DLC1: variants seen among roughly 807,000 people sequenced by gnomAD.
DLC1 encodes the protein rho GTPase-activating protein 7.
A neutral mutation model predicts 140.3 loss-of-function variants in DLC1; 54 were observed. That is an observed-to-expected ratio of 0.38 (90% CI 0.31 to 0.48). DLC1 has a LOEUF of 0.48. Among genes scored for constraint, DLC1 ranks in the 20% least tolerant of loss-of-function variants. The probability of loss-of-function intolerance (pLI) is 0.96; values close to 1 mark genes in which losing one functional copy is unlikely to be tolerated. For missense variants in DLC1, 2,536 were observed against 1,907.0 expected (o/e 1.33, Z -6.14); for synonymous variants, 986 against 728.1 (o/e 1.35, Z -5.70).
At chr8:13,465,693 C>T (rs189215672) in intron 2 of DLC1, among the ~76,000 whole-genome samples, 4 of 152,064 alleles carry the variant, frequency 2.6e-5, no homozygotes, top group African/African-American at 9.6e-5. Flanking sequence ...AAAATTATTT[C>T]CTTATACTGT....
At chr8:13,451,132 A>G (rs986990291) in intron 2 of DLC1, among the ~76,000 whole-genome samples, 30 of 151,134 alleles carry the variant, frequency 2.0e-4, no homozygotes, top group Non-Finnish European at 3.5e-4. Context: ...ATAAAGTAAG[A>G]GTAAATATGT....
chr8:13,485,541 T>G (rs1201808957), intron 2 of DLC1, among the ~76,000 whole-genome samples: 1 of 152,208 alleles, frequency 6.6e-6, no homozygotes, highest in Non-Finnish European at 1.5e-5. Flanking sequence ...GTGCAAATCT[T>G]GGGCAGCAGT....
rs905749996 is a variant in DLC1 at position 13,566,877 on chromosome 8, C to G, written c.-126+37660G>C. The G allele has an allele frequency of 3.1e-5, 41 of 1,316,750 alleles. No individual in the cohort carries two copies. In the African/African-American group the frequency reaches 5.5e-4, roughly 18 times the overall value. The allele number at this position is 1,316,750 out of a possible 1,614,324, so 81.6% of individuals were successfully genotyped here. A position where few individuals can be genotyped will look rare whatever the true frequency, so the allele number is the denominator to read the frequency against. On this transcript the variant is annotated intron_variant, in intron 1 of 1. Coordinates refer to the DLC1 transcript ENST00000631382. ...GGGAAGGCGTCTCCCGGAAGACGACCTCCGCAGAGCTGATGGCATTGAGAT... is the reference window on the plus strand; with the variant it reads ...GGGAAGGCGTCTCCCGGAAGACGACGTCCGCAGAGCTGATGGCATTGAGAT...
At chr8:13,163,662 G>T (rs990571157) in intron 5 of DLC1, among the ~76,000 whole-genome samples, 1 of 152,058 alleles carries the variant, frequency 6.6e-6, no homozygotes, top group Non-Finnish European at 1.5e-5. Flanking sequence ...TACTCAGGAG[G>T]CAGCCTAGGG....
At chr8:13,461,042 G>C (rs915332019) in intron 2 of DLC1, among the ~76,000 whole-genome samples, 1 of 152,160 alleles carries the variant, frequency 6.6e-6, no homozygotes. Context: ...GCAAGACCCT[G>C]TCTTTACAAA....
At chr8:13,104,899 G>T (rs181301278) in intron 7 of DLC1, among the ~76,000 whole-genome samples, 12 of 152,226 alleles carry the variant, frequency 7.9e-5, no homozygotes, top group African/African-American at 1.4e-4. Context: ...TGGATATAAG[G>T]TCCCTCTATT....
At chr8:13,264,581 G>A (rs1830610117) in intron 5 of DLC1, among the ~76,000 whole-genome samples, 2 of 152,102 alleles carry the variant, frequency 1.3e-5, no homozygotes, top group African/African-American at 4.8e-5. Context: ...AGAACTTCAG[G>A]GGGAGCGGGA....
chr8:13,094,862 C>T lies in DLC1; in HGVS notation c.3423G>A (p.Gln1141=). ...GAIDCVNYEG[Q]SAYDVADMLK... ...GCATGTCTGCCACGTCATAAGCAGA[C>T]TGTCCTTCGTAGTTGACACAGTCTA... Residue 1141 remains glutamine (Q), a synonymous_variant, in exon 12 of 18, where the codon CAG becomes CAA. Transcript: ENST00000276297. 1 of 1,614,224 alleles carries T rather than the reference C, an allele frequency of 6.2e-7. No individual in the cohort carries two copies. The highest frequency in any genetic ancestry group is 2.2e-5 in the East Asian group (1 of 44,882).
intron 4 of DLC1, among the ~76,000 whole-genome samples, chr8:13,306,575 TGTGTGTGTGAGAGAGA>T (rs1403142505): frequency 1.3e-5 from 2 of 149,780 alleles, no homozygotes; most frequent in Non-Finnish European, 3.0e-5. Flanking sequence ...TGTGTGTGTG[TGTGTGTGTGAGAGAGA>T]GAGAGAGAGA....
At chr8:13,224,482 AT>A (rs1229377224) in intron 5 of DLC1, among the ~76,000 whole-genome samples, 1 of 152,174 alleles carries the variant, frequency 6.6e-6, no homozygotes, top group Non-Finnish European at 1.5e-5. Flanking sequence ...AAAAATATAC[AT>A]GATTCAACAA....
rs143079747 is a variant in DLC1, at chr8:13,532,814, T to C, written c.-125-32618A>G. ...GTGTAATACTTCTTATTATAATTTC[T>C]CACCCTGTAGACCCTCATCCCCCCA... On this transcript the variant is annotated intron_variant, in intron 1 of 1. Coordinates refer to the DLC1 transcript ENST00000631382. 3.6e-3 allele frequency among the ~76,000 whole-genome samples: 542 copies of C among 152,312 alleles called. 2 individuals are homozygous for C. The highest frequency in any genetic ancestry group is 0.012 in the African/African-American group (491 of 41,570).
intron 6 of DLC1, among the ~76,000 whole-genome samples, chr8:13,115,076 AC>A (rs1820437607): frequency 6.6e-6 from 1 of 152,170 alleles, no homozygotes; most frequent in African/African-American, 2.4e-5. Context: ...AAGCCAAAAT[AC>A]CCACCAACCA....
At chr8:13,378,915 C>G (rs1836121653) in intron 4 of DLC1, among the ~76,000 whole-genome samples, 1 of 152,022 alleles carries the variant, frequency 6.6e-6, no homozygotes, top group South Asian at 2.1e-4. Context: ...TGGTGTAACT[C>G]AGAGATATGC....
At chr8:13,575,358 G>C (rs13263864) in intron 1 of DLC1, among the ~76,000 whole-genome samples, 38,334 of 152,040 alleles carry the variant, frequency 0.25, 5,771 homozygotes, top group Non-Finnish European at 0.34. Flanking sequence ...GGGGGTACGA[G>C]AGGCAGTCTT....
chr8:13,174,153 G>A (rs1825638983), intron 5 of DLC1, among the ~76,000 whole-genome samples: 1 of 152,102 alleles, frequency 6.6e-6, no homozygotes, highest in Admixed American at 6.6e-5. Flanking sequence ...TAGGATAATG[G>A]CCTCCAGCTG....
chr8:13,514,954 G>T, upstream of DLC1: 1 of 273,454 alleles, frequency 3.7e-6, no homozygotes, highest in Non-Finnish European at 6.8e-6. Flanking sequence ...CGAAGAGAGG[G>T]GAGGAGGGGA....
intron 5 of DLC1, among the ~76,000 whole-genome samples, chr8:13,161,835 GCTTCT>G (rs2128984818): frequency 6.6e-6 from 1 of 152,228 alleles, no homozygotes; most frequent in East Asian, 1.9e-4. Context: ...AGAGCCCTGT[GCTTCT>G]TGTTAAAAGG....
chr8:13,449,301 G>T (rs1446453553), intron 2 of DLC1, among the ~76,000 whole-genome samples: 1 of 152,136 alleles, frequency 6.6e-6, no homozygotes, highest in Admixed American at 6.5e-5. Flanking sequence ...GAAATGGAGG[G>T]AACATTTGTC....
chr8:13,209,499 G>T (rs1827834957), intron 5 of DLC1, among the ~76,000 whole-genome samples: 1 of 152,040 alleles, frequency 6.6e-6, no homozygotes, highest in Non-Finnish European at 1.5e-5. Flanking sequence ...ATATGGTATT[G>T]CTCATAAATA....
Sources: allele counts gnomAD v4.1 joint callset (sites outside exome capture counted in the v4.1 genomes callset), GRCh38; gene constraint gnomAD v4.1.1; transcripts MANE v1.5; gene names NCBI Gene and HGNC (gene_info 2026-07-23, HGNC 2026-07-21).